NQO1: variants seen among roughly 807,000 people sequenced by gnomAD.
NQO1 encodes the protein NAD(P)H dehydrogenase [quinone] 1.
Under a neutral mutation model 32.1 loss-of-function variants are expected in NQO1, and 30 were observed. The observed-to-expected ratio is 0.94, with a 90% CI of 0.70 to 1.27. NQO1 has a LOEUF of 1.27. Among genes scored for constraint, NQO1 ranks in the 50% most tolerant of loss-of-function variants. The pLI is 0.00. For missense variants in NQO1, 276 were observed against 331.3 expected, an observed-to-expected ratio of 0.83 and a Z score of 1.30; for synonymous variants, 109 against 119.7, an observed-to-expected ratio of 0.91 and a Z score of 0.59.
intron 1 of NQO1, among the ~76,000 whole-genome samples, chr16:69,720,401 A>G (rs567224074): frequency 2.0e-4 from 30 of 151,968 alleles, no homozygotes; most frequent in Non-Finnish European, 3.4e-4. Context: ...GAAAGAAGTG[A>G]GAGGAAGGGA....
chr16:69,712,757 C>A (rs1048327515), intron 5 of NQO1, among the ~76,000 whole-genome samples: 1 of 152,158 alleles, frequency 6.6e-6, no homozygotes, highest in Admixed American at 6.5e-5. Flanking sequence ...GTAATCACAG[C>A]ACTTTGGGAG....
chr16:69,715,915 C>G (rs1038106610), intron 3 of NQO1, among the ~76,000 whole-genome samples: 1 of 151,980 alleles, frequency 6.6e-6, no homozygotes, highest in Admixed American at 6.6e-5. Context: ...GCCTATAATC[C>G]CAGTATTTTG....
At chr16:69,714,535 G>A (rs953269625) in intron 4 of NQO1, among the ~76,000 whole-genome samples, 5 of 151,800 alleles carry the variant, frequency 3.3e-5, no homozygotes, top group East Asian at 1.9e-4. Flanking sequence ...TTGATCATGC[G>A]TCTCTCCCGA....
At position 69,718,144 on chromosome 16, in the gene NQO1, G is replaced by T; in HGVS notation, c.282C>A (p.Ala94=). 6.2e-7 allele frequency: 1 copy of T among 1,613,934 alleles called. No individual in the cohort carries two copies. Among genetic ancestry groups the T allele is most frequent in the Non-Finnish European group, 8.5e-7 (1 of 1,179,896 alleles). ...DIVAEQKKLE[A]ADLVIFQFPL... ...ATACCTGGAATATCACAAGGTCTGC[G>T]GCTTCCAGCTTCTTTTGTTCAGCCA... The change falls in exon 3 of 6, where the codon GCC becomes GCA. Residue 94 remains alanine, a synonymous_variant. Coordinates refer to ENST00000320623, the MANE Select transcript of NQO1 (RefSeq NM_000903.3).
chr16:69,711,366 C>T, intron 5 of NQO1, 85 bp from the exon 6 acceptor site: 1 of 1,141,956 alleles, frequency 8.8e-7, no homozygotes, highest in Non-Finnish European at 1.3e-6. Context: ...CTGGGCTTCT[C>T]AGTAAGACAC....
Position 69,710,675 on chromosome 16 carries a change from T to A in NQO1, c.*301A>T, listed in dbSNP as rs2038026363. On this transcript the variant is annotated 3_prime_UTR_variant, in exon 6 of 6. Transcript: ENST00000320623. ...CTAGCCAAACTGTACCCTAAAACTT[T>A]AGCCCTAAAAAGAGGAATTAAATTG... 1 of 332,544 alleles carries A rather than the reference T, an allele frequency of 3.0e-6. No homozygotes were observed. Among genetic ancestry groups the A allele is most frequent in the Non-Finnish European group, 5.5e-6 (1 of 181,102 alleles). The allele number at this position is 332,544 out of a possible 1,614,324, so 20.6% of individuals were successfully genotyped here. A position where few individuals can be genotyped will look rare whatever the true frequency, so the allele number is the denominator to read the frequency against.
intron 1 of NQO1, 94 bp downstream of exon 1, chr16:69,726,339 G>A: frequency 6.5e-7 from 1 of 1,536,900 alleles, no homozygotes. Context: ...TTGAGTCAAG[G>A]AACAAAATTC....
At chr16:69,717,293 T>A (rs953614157) in intron 3 of NQO1, among the ~76,000 whole-genome samples, 5 of 152,162 alleles carry the variant, frequency 3.3e-5, no homozygotes, top group Non-Finnish European at 7.3e-5. Flanking sequence ...TAAGGCAGCT[T>A]CCCGAAGAAG....
At chr16:69,717,350 C>T (rs1025392619) in intron 3 of NQO1, among the ~76,000 whole-genome samples, 4 of 152,124 alleles carry the variant, frequency 2.6e-5, no homozygotes, top group African/African-American at 9.7e-5. Flanking sequence ...GGTTTCAAAG[C>T]CCCCTTCAGC....
chr16:69,715,629 G>C (rs1033312211), intron 3 of NQO1, among the ~76,000 whole-genome samples: 1 of 152,020 alleles, frequency 6.6e-6, no homozygotes, highest in Non-Finnish European at 1.5e-5. Context: ...TCAACCGGGC[G>C]TGGTGGCGCA....
chr16:69,709,820 T>C lies in NQO1; in HGVS notation c.*1156A>G, dbSNP rs2038012913. On this transcript the variant is annotated 3_prime_UTR_variant, in exon 6 of 6. Transcript: ENST00000320623. ...AGTTGATAAAACTCTAGGTTTACAA[T>C]TGTACCCCAAGGTCATGGGACTGGA... is the stretch of plus-strand genomic sequence containing the variant. The C allele has an allele frequency of 2.5e-6, 1 of 398,614 alleles. No individual in the cohort carries two copies. Among genetic ancestry groups the C allele is most frequent in the East Asian group, 3.6e-5 (1 of 28,066 alleles). 24.7% of individuals were successfully genotyped at this position (398,614 alleles called of 1,614,324 possible).
At position 69,718,522 on chromosome 16, in the gene NQO1, A is replaced by G; in HGVS notation, c.20T>C (p.Leu7Pro). The change falls in exon 2 of 6, where the codon CTG (leucine) becomes CCG (proline). Residue 7 changes from leucine (L) to proline (P), a missense_variant. Transcript: ENST00000320623. MVGRRA[L>P]IVLAHSERTS... ...CCTCTCTGAGTGAGCCAGTACGATC[A>G]GTGCTCTTCTGCCTACAGAGACACA... 1 of 1,613,898 alleles carries G rather than the reference A, an allele frequency of 6.2e-7. No individual in the cohort carries two copies. The highest frequency in any genetic ancestry group is 8.5e-7 in the Non-Finnish European group (1 of 1,179,998).
chr16:69,716,192 A>AATCATCATCATC (rs776862080), intron 3 of NQO1, among the ~76,000 whole-genome samples: 4 of 144,178 alleles, frequency 2.8e-5, no homozygotes, highest in African/African-American at 2.6e-5. Context: ...TAATAATAAT[A>AATCATCATCATC]ATCATCATCA....
chr16:69,722,540 C>A (rs2038206785), intron 1 of NQO1, among the ~76,000 whole-genome samples: 2 of 152,224 alleles, frequency 1.3e-5, no homozygotes, highest in Admixed American at 1.3e-4. Flanking sequence ...ACCTTAAGCT[C>A]TCTTCCTGCT....
At position 69,711,047 on chromosome 16, in the gene NQO1, A is replaced by C; in HGVS notation, c.754T>G (p.Phe252Val). Reference sequence around the variant, plus strand: ...AAGTGATGGCCCACAGAAAGGCCAAATTTCTTGTTTTTCTCCTCATCCTGT... The same window carrying C: ...AAGTGATGGCCCACAGAAAGGCCAACTTTCTTGTTTTTCTCCTCATCCTGT... ...EVQDEEKNKK[F>V]GLSVGHHLGK... Residue 252 changes from phenylalanine to valine, a missense_variant, in exon 6 of 6, where the codon TTT (phenylalanine) becomes GTT (valine). Phe to Val is a conservative substitution (Grantham distance 50). Coordinates refer to ENST00000320623, the MANE Select transcript of NQO1 (RefSeq NM_000903.3). 6.2e-7 allele frequency: 1 copy of C among 1,614,196 alleles called. No homozygotes were observed. Among genetic ancestry groups the C allele is most frequent in the Non-Finnish European group, 8.5e-7 (1 of 1,180,036 alleles).
Position 69,719,688 on chromosome 16 carries a change from G to A in NQO1, c.8-1154C>T, listed in dbSNP as rs762189520. ...TTCGGGAGCCTGAGGCAGGAGAATC[G>A]CTTGAACCCAGGAAGCAGAGGTTGC... On this transcript the variant is annotated intron_variant, in intron 1 of 5. Coordinates refer to ENST00000320623, the MANE Select transcript of NQO1 (RefSeq NM_000903.3). Among the ~76,000 whole-genome samples, 30 of 152,202 alleles carry A rather than the reference G, an allele frequency of 2.0e-4. No individual in the cohort carries two copies. In the South Asian group the frequency reaches 2.1e-3, roughly 11 times the overall value.
intron 3 of NQO1, 136 bp from the exon 4 acceptor site, chr16:69,715,213 G>C (rs1053590025): frequency 1.5e-6 from 1 of 657,146 alleles, no homozygotes; most frequent in African/African-American, 1.8e-5. Flanking sequence ...TCCTCCTGGG[G>C]AGTTAGCACT....
Position 69,715,083 on chromosome 16 carries a change from G to C in NQO1, c.304-6C>G. On this transcript the variant is annotated splice_region_variant and splice_polypyrimidine_tract_variant and intron_variant, in intron 3 of 5. Transcript: ENST00000320623. ...CCAAACCACTGCAGGGGGAACTGTG[G>C]GACAGAAGACATCATTGAGGTAAGA... 6.2e-7 allele frequency: 1 copy of C among 1,609,376 alleles called. No homozygotes were observed. Among genetic ancestry groups the C allele is most frequent in the Non-Finnish European group, 8.5e-7 (1 of 1,176,030 alleles).
At position 69,715,066 on chromosome 16, in the gene NQO1, C is replaced by T. The variant is rs200371556; in HGVS notation, c.315G>A (p.Gln105=). 25 of 1,613,256 alleles carry T rather than the reference C, an allele frequency of 1.5e-5. No individual in the cohort carries two copies. In the East Asian group the frequency reaches 1.8e-4, roughly 12 times the overall value. The change falls in exon 4 of 6, where the codon CAG becomes CAA. Residue 105 remains glutamine, a synonymous_variant. Coordinates refer to ENST00000320623, the MANE Select transcript of NQO1 (RefSeq NM_000903.3). ...ADLVIFQFPL[Q]WFGVPAILKG... ...TCAGAATGGCAGGGACTCCAAACCA[C>T]TGCAGGGGGAACTGTGGGACAGAAG...
Sources: gnomAD v4.1 joint callset for allele counts (sites outside exome capture counted in the v4.1 genomes callset) on GRCh38, gnomAD v4.1.1 for gene constraint, MANE v1.5 for transcripts, NCBI Gene and HGNC (gene_info 2026-07-23, HGNC 2026-07-21) for gene names.